The following CNTNAP2 variants were observed in gnomAD, a reference collection of about 807,000 sequenced individuals.
CNTNAP2 encodes contactin-associated protein-like 2.
CNTNAP2 carries 98 observed loss-of-function variants against 155.2 expected under a neutral mutation model. The observed-to-expected ratio is 0.63, with a 90% CI of 0.54 to 0.75. The LOEUF is 0.75. Ranked by LOEUF, CNTNAP2 falls within the 30% of genes least tolerant of loss-of-function variation. CNTNAP2 has a pLI of 0.00. For synonymous variants in CNTNAP2, 651 were observed against 631.2 expected, an observed-to-expected ratio of 1.03 and a Z score of -0.47; for missense variants, 1,727 against 1,688.1, an observed-to-expected ratio of 1.02 and a Z score of -0.40.
intron 1 of CNTNAP2, among the ~76,000 whole-genome samples, chr7:146,181,326 A>G (rs1370671394): frequency 6.6e-6 from 1 of 152,144 alleles, no homozygotes. Context: ...ATTTGGGACT[A>G]ATATCTTAAT....
chr7:146,996,288 C>G (rs1196652506), intron 3 of CNTNAP2, among the ~76,000 whole-genome samples: 1 of 152,014 alleles, frequency 6.6e-6, no homozygotes, highest in South Asian at 2.1e-4. Flanking sequence ...GATCGAATTG[C>G]ATTGTAGATG....
chr7:148,097,905 C>T (rs184684876), intron 15 of CNTNAP2, among the ~76,000 whole-genome samples: 1 of 152,184 alleles, frequency 6.6e-6, no homozygotes, highest in Admixed American at 6.5e-5. Context: ...TATCCTAGGT[C>T]AGGATAAGCA....
chr7:146,542,597 C>A (rs1455389081), intron 1 of CNTNAP2, among the ~76,000 whole-genome samples: 3 of 140,592 alleles, frequency 2.1e-5, no homozygotes, highest in African/African-American at 3.2e-5. Context: ...CCTTTAGAGA[C>A]CCCCCCTTAC....
chr7:147,254,081 T>C (rs1452532091), intron 8 of CNTNAP2, among the ~76,000 whole-genome samples: 1 of 152,116 alleles, frequency 6.6e-6, no homozygotes, highest in Non-Finnish European at 1.5e-5. Context: ...TTTATGGCAT[T>C]CATGTGATTT....
At chr7:147,423,546 C>A (rs1302795838) in intron 10 of CNTNAP2, among the ~76,000 whole-genome samples, 1 of 152,104 alleles carries the variant, frequency 6.6e-6, no homozygotes, top group Non-Finnish European at 1.5e-5. Context: ...GGCCCATCAC[C>A]TCCTCATCCT....
At position 147,441,813 on chromosome 7, in the gene CNTNAP2, TTCTCTC is replaced by T. The variant is rs568227936; in HGVS notation, c.1671-44089_1671-44084del. The stretch of plus-strand genomic sequence containing the variant: ...TTTCTTCCAACCAAATGTAGTCTCT[TTCTCTC>T]TCTCTCTCTCTCTCTCTCTCTCTCT... On this transcript the variant is annotated intron_variant, in intron 10 of 23. Transcript: ENST00000361727. 6.6e-3 allele frequency among the ~76,000 whole-genome samples: 672 copies of T among 102,154 alleles called. 6 individuals carry two copies. Among genetic ancestry groups the T allele is most frequent in the East Asian group, 0.026 (71 of 2,738 alleles). The allele number at this position is 102,154 out of a possible 152,430, so 67.0% of individuals were successfully genotyped here. A position where few individuals can be genotyped will look rare whatever the true frequency, so the allele number is the denominator to read the frequency against.
At chr7:147,529,893 C>T (rs1584794309) in intron 11 of CNTNAP2, among the ~76,000 whole-genome samples, 1 of 152,310 alleles carries the variant, frequency 6.6e-6, no homozygotes, top group East Asian at 1.9e-4. Flanking sequence ...TCACAGGACT[C>T]CACCAGGTGT....
At chr7:146,622,283 A>ATCTATCTATCTATCTATC (rs1563160580) in intron 1 of CNTNAP2, among the ~76,000 whole-genome samples, 4 of 106,872 alleles carry the variant, frequency 3.7e-5, no homozygotes, top group African/African-American at 1.2e-4. Context: ...ATCTATCTAT[A>ATCTATCTATCTATCTATC]TATATATATG....
intron 3 of CNTNAP2, among the ~76,000 whole-genome samples, chr7:147,022,377 A>T (rs1328820443): frequency 6.6e-6 from 1 of 152,072 alleles, no homozygotes; most frequent in Non-Finnish European, 1.5e-5. Context: ...TGTAAAGCCC[A>T]CTTTCTGCTT....
chr7:147,600,359 C>T (rs567627093), intron 12 of CNTNAP2, among the ~76,000 whole-genome samples: 164 of 152,284 alleles, frequency 1.1e-3, no homozygotes, highest in Middle Eastern at 3.4e-3. Flanking sequence ...TAACATTAGG[C>T]TTTGTGGGCC....
intron 13 of CNTNAP2, among the ~76,000 whole-genome samples, chr7:147,694,468 G>A (rs111371912): frequency 0.01 from 1,593 of 152,150 alleles, 20 homozygotes; most frequent in African/African-American, 0.036. Context: ...AAGTTGATCT[G>A]GGCCTGCTGT....
intron 8 of CNTNAP2, among the ~76,000 whole-genome samples, chr7:147,238,550 T>G (rs1409569155): frequency 3.3e-5 from 5 of 150,244 alleles, no homozygotes; most frequent in African/African-American, 4.9e-5. Context: ...TTTCATTTTG[T>G]TTTTTTTTCA....
intron 21 of CNTNAP2, among the ~76,000 whole-genome samples, chr7:148,330,375 G>A (rs1797967921): frequency 6.6e-6 from 1 of 151,648 alleles, no homozygotes; most frequent in South Asian, 2.1e-4. Flanking sequence ...TGGATGGATA[G>A]ATGGAGTGGA....
intron 21 of CNTNAP2, among the ~76,000 whole-genome samples, chr7:148,314,177 C>T (rs577869995): frequency 6.6e-5 from 10 of 151,976 alleles, no homozygotes; most frequent in East Asian, 5.8e-4. Flanking sequence ...AAAGACTCAG[C>T]GACACTTGGG....
chr7:147,634,031 T>C (rs964244327), intron 12 of CNTNAP2, among the ~76,000 whole-genome samples: 1 of 152,150 alleles, frequency 6.6e-6, no homozygotes, highest in South Asian at 2.1e-4. Flanking sequence ...ACAAGCACTA[T>C]GGAAAACAGT....
intron 1 of CNTNAP2, among the ~76,000 whole-genome samples, chr7:146,449,662 T>C (rs1338940869): frequency 6.6e-6 from 1 of 152,152 alleles, no homozygotes; most frequent in Non-Finnish European, 1.5e-5. Context: ...ATGGGTATTA[T>C]TGAAAGAAAG....
intron 12 of CNTNAP2, among the ~76,000 whole-genome samples, chr7:147,583,664 TCACATGTC>T (rs1354269699): frequency 6.6e-6 from 1 of 151,962 alleles, no homozygotes; most frequent in Non-Finnish European, 1.5e-5. Flanking sequence ...ATTGTATTCC[TCACATGTC>T]CACATTGTGG....
At chr7:147,898,563 A>C (rs1458495780) in intron 13 of CNTNAP2, among the ~76,000 whole-genome samples, 2 of 151,774 alleles carry the variant, frequency 1.3e-5, no homozygotes, top group African/African-American at 4.8e-5. Context: ...TCACTCTATC[A>C]GGTTGGAGTG....
chr7:146,279,432 A>G (rs1800214813), intron 1 of CNTNAP2, among the ~76,000 whole-genome samples: 1 of 107,802 alleles, frequency 9.3e-6, no homozygotes, highest in South Asian at 3.0e-4. Flanking sequence ...TTCCTTAAAC[A>G]CACACACACA....
Sources: gnomAD v4.1 joint callset for allele counts (sites outside exome capture counted in the v4.1 genomes callset) on GRCh38, gnomAD v4.1.1 for gene constraint, MANE v1.5 for transcripts, NCBI Gene and HGNC (gene_info 2026-07-23, HGNC 2026-07-21) for gene names.